Variants in C16orf96 observed in about 807,000 individuals in gnomAD.
The protein encoded by C16orf96 is uncharacterized protein C16orf96.
In C16orf96, 108 loss-of-function variants were observed where a neutral mutation model predicts 103.6. The observed-to-expected ratio is 1.04, with a 90% CI of 0.89 to 1.22. The LOEUF (loss-of-function observed/expected upper bound fraction) is 1.22, where lower values mean the gene tolerates loss of function less well. Among genes scored for constraint, C16orf96 ranks in the 50% most tolerant of loss-of-function variants. The probability of loss-of-function intolerance (pLI) is 0.00; values close to 1 mark genes in which losing one functional copy is unlikely to be tolerated. For synonymous variants in C16orf96, 566 were observed against 593.5 expected, an observed-to-expected ratio of 0.95 and a Z score of 0.67; for missense variants, 1,586 against 1,464.2, an observed-to-expected ratio of 1.08 and a Z score of -1.36.
In C16orf96 at chr16:4,588,317, GA is replaced by G; in HGVS notation, c.2579del (p.Asp860AlafsTer2). 2 of 1,550,578 alleles carry G rather than the reference GA, an allele frequency of 1.3e-6. No homozygotes were observed. The highest frequency in any genetic ancestry group is 1.7e-6 in the Non-Finnish European group (2 of 1,146,128). On this transcript the variant is annotated frameshift_variant, in exon 9 of 16. Coordinates refer to ENST00000444310, the MANE Select transcript of C16orf96 (RefSeq NM_001145011.2). LOFTEE classifies it high-confidence loss of function. ...WKKAMEELSK[D>X]VNTKLVHSDL... ...GAAGGCTATGGAGGAGCTCAGCAAG[GA>G]CGTGAACACCAAGGTGAATGCCCCC...
At chr16:4,600,009 C>G in intron 15 of C16orf96, 91 bp from the exon 16 acceptor site, 5 of 1,277,622 alleles carry the variant, frequency 3.9e-6, no homozygotes, top group Non-Finnish European at 5.5e-6. Flanking sequence ...TCCTGGGCTT[C>G]TCTTCTCTTT....
At chr16:4,553,986 C>T (rs534007891), upstream of C16orf96, among the ~76,000 whole-genome samples, 6 of 152,216 alleles carry the variant, frequency 3.9e-5, no homozygotes, top group South Asian at 6.2e-4. Flanking sequence ...CTGTGTGGCG[C>T]GGGACCAGGA....
intron 7 of C16orf96, among the ~76,000 whole-genome samples, chr16:4,585,491 A>C (rs1658224993): frequency 6.6e-6 from 1 of 152,062 alleles, no homozygotes; most frequent in African/African-American, 2.4e-5. Flanking sequence ...AATTAAAATA[A>C]AGAGGAGGTA....
At position 4,556,771 on chromosome 16, in the gene C16orf96, G is replaced by C. The variant is rs2059268342; in HGVS notation, c.282G>C (p.Gln94His). ...GCCGCCTCGACAAGTTGGAGAACCAGCTGGCCCTGCTGCAGGACCTGCCCT... is the reference window on the plus strand; with the variant it reads ...GCCGCCTCGACAAGTTGGAGAACCACCTGGCCCTGCTGCAGGACCTGCCCT... ...VVSRLDKLEN[Q>H]LALLQDLPST... Residue 94 changes from glutamine to histidine, a missense_variant, in exon 1 of 16, where the codon CAG becomes CAC. Physicochemically the swap from Gln to His is conservative, Grantham distance 24 (BLOSUM62 0). Transcript: ENST00000444310. The C allele has an allele frequency of 7.7e-6, 12 of 1,551,694 alleles. No individual in the cohort carries two copies. Among genetic ancestry groups the C allele is most frequent in the Non-Finnish European group, 1.0e-5 (12 of 1,147,004 alleles).
the C16orf96 span, among the ~76,000 whole-genome samples, chr16:4,545,267 C>T: frequency 2.0e-5 from 3 of 152,124 alleles, no homozygotes; most frequent in Admixed American, 1.3e-4. Flanking sequence ...AGTGCAGTGG[C>T]GCGATGATAG....
chr16:4,590,880 A>T lies in C16orf96; in HGVS notation c.2593-786A>T, dbSNP rs557038460. On this transcript the variant is annotated intron_variant, in intron 9 of 15. Transcript: ENST00000444310. ...CTAAAAGTAAAAAAAAAAAAAAAAA[A>T]AATTAGTCGGGTTTGGGGGCACACG... 2.8e-3 allele frequency among the ~76,000 whole-genome samples: 418 copies of T among 151,818 alleles called. 6 individuals are homozygous for T. The highest frequency in any genetic ancestry group is 9.6e-3 in the African/African-American group (397 of 41,422).
chr16:4,584,722 C>T (rs986581851), intron 7 of C16orf96, among the ~76,000 whole-genome samples: 4 of 152,026 alleles, frequency 2.6e-5, no homozygotes, highest in Non-Finnish European at 4.4e-5. Flanking sequence ...TGAGTAGAGA[C>T]AGGGTTTCAC....
At chr16:4,576,747 C>T in intron 5 of C16orf96, 112 bp downstream of exon 5, 1 of 1,041,074 alleles carries the variant, frequency 9.6e-7, no homozygotes, top group Non-Finnish European at 1.4e-6. Context: ...CTGCATTCCA[C>T]CATTAGCCAT....
chr16:4,585,627 C>T (rs1896907626), intron 7 of C16orf96, among the ~76,000 whole-genome samples: 1 of 152,166 alleles, frequency 6.6e-6, no homozygotes, highest in Non-Finnish European at 1.5e-5. Context: ...CTGCCACCTG[C>T]TGGTTGGATC....
intron 10 of C16orf96, among the ~76,000 whole-genome samples, 179 bp from the exon 11 acceptor site, chr16:4,592,126 C>T (rs771847738): frequency 1.1e-4 from 17 of 152,190 alleles, no homozygotes; most frequent in South Asian, 2.1e-4. Flanking sequence ...AAAAACCATC[C>T]GTTGTGTTTG....
chr16:4,594,618 C>CT (rs1352092337), intron 13 of C16orf96, 86 bp from the exon 14 acceptor site: 23 of 1,537,546 alleles, frequency 1.5e-5, no homozygotes, highest in East Asian at 1.2e-4. Flanking sequence ...AGGCTGCACT[C>CT]TGTCTCCTGG....
chr16:4,585,931 A>G (rs574997084), intron 7 of C16orf96, among the ~76,000 whole-genome samples: 117 of 152,274 alleles, frequency 7.7e-4, no homozygotes, highest in African/African-American at 2.7e-3. Context: ...TGGACACAGG[A>G]GACTCAGGAT....
chr16:4,589,418 C>CCCA (rs1897005118), intron 9 of C16orf96, among the ~76,000 whole-genome samples: 1 of 146,662 alleles, frequency 6.8e-6, no homozygotes, highest in Non-Finnish European at 1.5e-5. Context: ...GTCCCCCTAC[C>CCCA]AAAAAAAAAA....
At chr16:4,572,859 A>C (rs991351099) in intron 2 of C16orf96, among the ~76,000 whole-genome samples, 1 of 152,178 alleles carries the variant, frequency 6.6e-6, no homozygotes, top group Admixed American at 6.5e-5. Flanking sequence ...ATGGAAGGAC[A>C]TGGAGTCCCC....
At position 4,600,305 on chromosome 16, in the gene C16orf96, C is replaced by T. The variant is rs555858615; in HGVS notation, c.3414C>T (p.Pro1138=). Residue 1138 remains proline (P), a synonymous_variant, in exon 16 of 16, where the codon CCC becomes CCT. Transcript: ENST00000444310. The part of the protein sequence containing the change: ...SRVGRKPPEE[P]ANP ...TCGGCAGGAAGCCCCCCGAGGAGCC[C>T]GCCAACCCGTGAGCCCCACCCCGCT... 127 of 1,549,342 alleles carry T rather than the reference C, an allele frequency of 8.2e-5. No individual in the cohort carries two copies. Among genetic ancestry groups the T allele is most frequent in the Non-Finnish European group, 1.0e-4 (117 of 1,146,714 alleles).
chr16:4,547,093 G>A, the C16orf96 span, among the ~76,000 whole-genome samples: 1 of 152,180 alleles, frequency 6.6e-6, no homozygotes, highest in African/African-American at 2.4e-5. Context: ...CCCGGTGAAA[G>A]AAGCCCTTCC....
In C16orf96 at chr16:4,600,359, G is replaced by A. The variant is rs1483624645; in HGVS notation, c.*42G>A. Reference sequence around the variant, plus strand: ...CCCCCCATCGCCAAGTCCCCTCCACGTCCGAGGCTGAGGCCCATGTGGCCC... The same window carrying A: ...CCCCCCATCGCCAAGTCCCCTCCACATCCGAGGCTGAGGCCCATGTGGCCC... On this transcript the variant is annotated 3_prime_UTR_variant, in exon 16 of 16. Transcript: ENST00000444310. 16 of 1,355,418 alleles carry A rather than the reference G, an allele frequency of 1.2e-5. No individual in the cohort carries two copies. The highest frequency in any genetic ancestry group is 2.3e-5 in the Admixed American group (1 of 42,824). 84.0% of individuals were successfully genotyped at this position (1,355,418 alleles called of 1,614,324 possible).
Position 4,587,086 on chromosome 16 carries a change from G to C in C16orf96, c.2400G>C (p.Lys800Asn), listed in dbSNP as rs1163663854. ...IKRLEMNKVNKSTMEEELREK... is the reference protein window; with the variant it reads ...IKRLEMNKVNNSTMEEELREK... ...GACTGGAAATGAACAAGGTGAATAA[G>C]AGCACGATGGAGGAGGAGCTGAGAG... is the stretch of plus-strand genomic sequence containing the variant. Residue 800 changes from lysine to asparagine, a missense_variant, in exon 8 of 16, where the codon AAG becomes AAC. Lys to Asn is a moderately conservative substitution (Grantham distance 94, BLOSUM62 0). Transcript: ENST00000444310. 3 of 1,551,652 alleles carry C rather than the reference G, an allele frequency of 1.9e-6. No homozygotes were observed. The highest frequency in any genetic ancestry group is 2.0e-5 in the Admixed American group (1 of 51,004).
In C16orf96 at chr16:4,556,713, A is replaced by G; in HGVS notation, c.224A>G (p.Lys75Arg). Reference protein sequence around the residue: ...GDAQPILNPMKRLSNVFDHVV... With the variant: ...GDAQPILNPMRRLSNVFDHVV... Reference sequence around the variant, plus strand: ...GCCCAGCCTATCCTCAACCCCATGAAGAGGCTCAGCAATGTCTTCGACCAC... The same window carrying G: ...GCCCAGCCTATCCTCAACCCCATGAGGAGGCTCAGCAATGTCTTCGACCAC... Residue 75 changes from lysine (K) to arginine (R), a missense_variant, in exon 1 of 16, where the codon AAG becomes AGG. By Grantham distance (26) the Lys-to-Arg change is conservative. Transcript: ENST00000444310. 1 of 1,551,670 alleles carries G rather than the reference A, an allele frequency of 6.4e-7. No homozygotes were observed.
Sources: allele counts gnomAD v4.1 joint callset (sites outside exome capture counted in the v4.1 genomes callset), GRCh38; gene constraint gnomAD v4.1.1; transcripts MANE v1.5; gene names NCBI Gene and HGNC (gene_info 2026-07-23, HGNC 2026-07-21).